The following NIPSNAP1 variants were observed in gnomAD, a reference collection of about 807,000 sequenced individuals.
The protein encoded by NIPSNAP1 is nipsnap homolog 1, also known as protein NipSnap homolog 1.
Under a neutral mutation model 49.2 loss-of-function variants are expected in NIPSNAP1, and 25 were observed. The ratio of observed to expected loss-of-function variants is 0.51; its 90% CI spans 0.37 to 0.71. The LOEUF (loss-of-function observed/expected upper bound fraction) is 0.71. NIPSNAP1 is among the 30% of genes least tolerant of loss of function. The pLI, the probability that NIPSNAP1 is intolerant of heterozygous loss-of-function variation, is 0.00. For synonymous variants in NIPSNAP1, 143 were observed against 140.7 expected (o/e 1.02, Z -0.12); for missense variants, 294 against 361.0 (o/e 0.81, Z 1.50).
intron 4 of NIPSNAP1, among the ~76,000 whole-genome samples, chr22:29,564,641 T>C (rs1157114310): frequency 6.6e-6 from 1 of 151,926 alleles, no homozygotes; most frequent in African/African-American, 2.4e-5. Context: ...CTTGAACTCC[T>C]GACCTCAGGT....
In NIPSNAP1 at chr22:29,569,184, G is replaced by A. The variant is rs2146610427; in HGVS notation, c.367+9C>T. ...AGTGGCAATGGCACTAGGGAGGTGA[G>A]CGCCTTACCTGCCTGGTCCTGCTCC... On this transcript the variant is annotated intron_variant, in intron 4 of 9. Transcript: ENST00000216121. 1.2e-6 allele frequency: 2 copies of A among 1,613,158 alleles called. No individual in the cohort carries two copies. Among genetic ancestry groups the A allele is most frequent in the Non-Finnish European group, 1.7e-6 (2 of 1,179,310 alleles).
At chr22:29,563,537 TAAATAA>T (rs1001899429) in intron 4 of NIPSNAP1, among the ~76,000 whole-genome samples, 4 of 151,860 alleles carry the variant, frequency 2.6e-5, no homozygotes, top group Non-Finnish European at 4.4e-5. Context: ...AAAAAATAAA[TAAATAA>T]AAATAAAAAT....
chr22:29,563,379 T>C (rs1386520432), intron 4 of NIPSNAP1, among the ~76,000 whole-genome samples: 1 of 151,618 alleles, frequency 6.6e-6, no homozygotes, highest in African/African-American at 2.4e-5. Flanking sequence ...AAACAAAAAT[T>C]AGCTGGGCGT....
At chr22:29,576,862 T>A (rs61372154) in intron 1 of NIPSNAP1, among the ~76,000 whole-genome samples, 2 of 150,446 alleles carry the variant, frequency 1.3e-5, no homozygotes, top group East Asian at 3.9e-4. Context: ...AGGGCAGAGG[T>A]TGCAGTGAGC....
chr22:29,569,993 A>C, intron 3 of NIPSNAP1, 169 bp downstream of exon 3: 2 of 681,008 alleles, frequency 2.9e-6, no homozygotes, highest in Non-Finnish European at 5.2e-6. Context: ...CCATCTCAAA[A>C]AAAAAGAAAG....
At chr22:29,579,993 A>G (rs2064485251) in intron 1 of NIPSNAP1, 1 of 994,642 alleles carries the variant, frequency 1.0e-6, no homozygotes, top group African/African-American at 1.7e-5. Flanking sequence ...GTAACATCTC[A>G]TGGCAGGCAC....
Position 29,569,223 on chromosome 22 carries a change from T to A in NIPSNAP1, c.337A>T (p.Asn113Tyr). ...TGGTCCTGCTCCCCATACCACGTGT[T>A]CCAGTTGCCCACGAGTGAGCATGGG... ...DYPCSLVGNWNTWYGEQDQAV... is the reference protein window; with the variant it reads ...DYPCSLVGNWYTWYGEQDQAV... The change falls in exon 4 of 10, where the codon AAC becomes TAC. Residue 113 changes from asparagine (N) to tyrosine (Y), a missense_variant. Asn to Tyr is a moderately radical substitution (Grantham distance 143). Transcript: ENST00000216121. 1 of 1,614,082 alleles carries A rather than the reference T, an allele frequency of 6.2e-7. No individual in the cohort carries two copies. The highest frequency in any genetic ancestry group is 8.5e-7 in the Non-Finnish European group (1 of 1,179,990).
intron 1 of NIPSNAP1, among the ~76,000 whole-genome samples, chr22:29,580,685 G>A (rs759582158): frequency 6.6e-5 from 10 of 152,054 alleles, no homozygotes; most frequent in Non-Finnish European, 1.2e-4. Flanking sequence ...GCCTGGGAAT[G>A]GGCCACTCCT....
chr22:29,557,893 A>G (rs1441571575), intron 9 of NIPSNAP1, among the ~76,000 whole-genome samples: 4 of 152,132 alleles, frequency 2.6e-5, no homozygotes, highest in Non-Finnish European at 5.9e-5. Context: ...CCCGGCACAC[A>G]GTGAGGGCTT....
chr22:29,562,560 G>A (rs8142879), intron 4 of NIPSNAP1, among the ~76,000 whole-genome samples: 7 of 151,978 alleles, frequency 4.6e-5, no homozygotes, highest in African/African-American at 7.3e-5. Context: ...GTGTGGTGGC[G>A]CATGCCTGTA....
chr22:29,564,432 A>G (rs1375302885), intron 4 of NIPSNAP1: 1 of 469,810 alleles, frequency 2.1e-6, no homozygotes. Flanking sequence ...AAGAGGAAGG[A>G]ATTTTCTTTA....
In NIPSNAP1 at chr22:29,560,766, A is replaced by G. The variant is rs776755316; in HGVS notation, c.674T>C (p.Ile225Thr). The stretch of plus-strand genomic sequence containing the variant: ...ATGGTGCACCACGTAGAGCTCTCCT[A>G]TCTGTGAGAAGAAGCCGCCCACTGC... Reference protein sequence around the residue: ...QEAVGGFFSQIGELYVVHHLW... With the variant: ...QEAVGGFFSQTGELYVVHHLW... The change falls in exon 8 of 10, where the codon ATA (isoleucine) becomes ACA (threonine). Residue 225 changes from isoleucine (I) to threonine (T), a missense_variant. Coordinates refer to ENST00000216121, the MANE Select transcript of NIPSNAP1 (RefSeq NM_003634.4). 1.9e-6 allele frequency: 3 copies of G among 1,613,916 alleles called. No individual in the cohort carries two copies. The highest frequency in any genetic ancestry group is 2.5e-6 in the Non-Finnish European group (3 of 1,180,012).
In NIPSNAP1 at chr22:29,569,205, G is replaced by T; in HGVS notation, c.355C>A (p.Gln119Lys). The change falls in exon 4 of 10, where the codon CAG becomes AAG. Residue 119 changes from glutamine to lysine, a missense_variant. Physicochemically the swap from Gln to Lys is moderately conservative, Grantham distance 53 (BLOSUM62 1). Transcript: ENST00000216121. The part of the protein sequence containing the change: ...VGNWNTWYGE[Q>K]DQAVHLWRFS... ...GTGAGCGCCTTACCTGCCTGGTCCT[G>T]CTCCCCATACCACGTGTTCCAGTTG... The T allele has an allele frequency of 6.2e-7, 1 of 1,613,970 alleles. No homozygotes were observed. The highest frequency in any genetic ancestry group is 8.5e-7 in the Non-Finnish European group (1 of 1,179,918).
At chr22:29,568,104 G>A (rs537450886) in intron 4 of NIPSNAP1, among the ~76,000 whole-genome samples, 1 of 147,584 alleles carries the variant, frequency 6.8e-6, no homozygotes, top group East Asian at 2.0e-4. Context: ...GCTTGAGCCT[G>A]GGAAATTGAG....
intron 4 of NIPSNAP1, chr22:29,564,383 G>C (rs200854756): frequency 6.4e-6 from 3 of 470,932 alleles, no homozygotes; most frequent in Non-Finnish European, 1.3e-5. Context: ...TGTGGAAAAC[G>C]GATTAACGGA....
Position 29,560,646 on chromosome 22 carries a change from G to A in NIPSNAP1, c.706+88C>T, listed in dbSNP as rs1045367071. On this transcript the variant is annotated intron_variant, in intron 8 of 9. Transcript: ENST00000216121. The stretch of plus-strand genomic sequence containing the variant: ...CTCCTGCTAGAACATTAAGTTCTAT[G>A]AGGACACTAATACAACCCCATTGGC... The A allele has an allele frequency of 4.0e-6, 4 of 995,592 alleles. No homozygotes were observed. The Admixed American group carries it at 5.1e-5, about 13-fold the overall frequency. The allele number at this position is 995,592 out of a possible 1,614,324, so 61.7% of individuals were successfully genotyped here.
intron 1 of NIPSNAP1, among the ~76,000 whole-genome samples, chr22:29,576,094 C>T (rs2064449945): frequency 6.6e-6 from 1 of 150,996 alleles, no homozygotes; most frequent in South Asian, 2.1e-4. Flanking sequence ...TCTCAGCTCA[C>T]TGCAACCTCC....
chr22:29,562,879 C>T (rs1311535360), intron 4 of NIPSNAP1, among the ~76,000 whole-genome samples: 1 of 152,006 alleles, frequency 6.6e-6, no homozygotes, highest in Non-Finnish European at 1.5e-5. Flanking sequence ...GAAGGTGGAT[C>T]ACGAGGTCAG....
intron 9 of NIPSNAP1, among the ~76,000 whole-genome samples, chr22:29,557,980 A>G (rs2064307617): frequency 6.6e-6 from 1 of 152,160 alleles, no homozygotes; most frequent in Non-Finnish European, 1.5e-5. Context: ...AACTTGTTCA[A>G]GGCTGGGCAC....
Sources: gnomAD v4.1 joint callset for allele counts (sites outside exome capture counted in the v4.1 genomes callset) on GRCh38, gnomAD v4.1.1 for gene constraint, MANE v1.5 for transcripts, NCBI Gene and HGNC (gene_info 2026-07-23, HGNC 2026-07-21) for gene names.